The following MTUS2 variants were observed in gnomAD, a reference collection of about 807,000 sequenced individuals.
MTUS2 encodes the protein microtubule-associated tumor suppressor candidate 2.
A neutral mutation model predicts 114.1 loss-of-function variants in MTUS2; 40 were observed. The observed-to-expected ratio is 0.35, with a 90% confidence interval of 0.27 to 0.46. The LOEUF (loss-of-function observed/expected upper bound fraction) is 0.46, where lower values mean the gene tolerates loss of function less well. Ranked by LOEUF, MTUS2 falls within the 20% of genes least tolerant of loss-of-function variation. The pLI is 1.00. For missense variants in MTUS2, 1,679 were observed against 1,705.4 expected (o/e 0.98, Z 0.27); for synonymous variants, 688 against 672.0 (o/e 1.02, Z -0.37).
intron 4 of MTUS2, among the ~76,000 whole-genome samples, chr13:29,069,696 G>T (rs533861826): frequency 6.6e-6 from 1 of 152,328 alleles, no homozygotes; most frequent in African/African-American, 2.4e-5. Context: ...AGGAAAAGCA[G>T]CTCTAGCTCA....
intron 8 of MTUS2, among the ~76,000 whole-genome samples, chr13:29,390,756 G>A (rs1375489929): frequency 6.8e-6 from 1 of 146,588 alleles, no homozygotes. Context: ...CCACCAAATG[G>A]TGATGATGAT....
intron 5 of MTUS2, among the ~76,000 whole-genome samples, chr13:29,271,709 G>A (rs1006232990): frequency 4.6e-5 from 7 of 152,150 alleles, no homozygotes; most frequent in Admixed American, 2.6e-4. Context: ...GCATTTGCTC[G>A]ATGCTTACTG....
At chr13:29,075,276 G>A (rs989819527) in intron 4 of MTUS2, among the ~76,000 whole-genome samples, 1 of 82,112 alleles carries the variant, frequency 1.2e-5, no homozygotes, top group African/African-American at 4.6e-5. Context: ...TCCCAGAGCA[G>A]CTCTGAACAC....
At chr13:29,232,318 A>ATG (rs1566080996) in intron 5 of MTUS2, among the ~76,000 whole-genome samples, 3 of 98,994 alleles carry the variant, frequency 3.0e-5, no homozygotes, top group African/African-American at 1.0e-4. Flanking sequence ...ACACACACAC[A>ATG]CACACGCACA....
chr13:28,849,813 T>C, intron 2 of MTUS2, among the ~76,000 whole-genome samples: 1 of 151,866 alleles, frequency 6.6e-6, no homozygotes, highest in South Asian at 2.1e-4. Context: ...CTGTTTTCCC[T>C]CTCCTCTCTA....
At chr13:28,845,962 A>G (rs1875852285) in intron 2 of MTUS2, among the ~76,000 whole-genome samples, 1 of 151,718 alleles carries the variant, frequency 6.6e-6, no homozygotes, top group Admixed American at 6.6e-5. Flanking sequence ...ATGAAGCCTC[A>G]TTTAAGTCTC....
At chr13:29,280,670 C>T (rs1898232537) in intron 5 of MTUS2, among the ~76,000 whole-genome samples, 1 of 152,172 alleles carries the variant, frequency 6.6e-6, no homozygotes, top group East Asian at 1.9e-4. Context: ...TATACTTCTT[C>T]CAGCTGTCAT....
intron 7 of MTUS2, among the ~76,000 whole-genome samples, chr13:29,353,079 G>A (rs1869431321): frequency 1.3e-5 from 2 of 152,114 alleles, no homozygotes; most frequent in African/African-American, 4.8e-5. Flanking sequence ...TTCTCATTAT[G>A]GGTTGTATAA....
At chr13:29,280,202 A>G (rs772653128) in intron 5 of MTUS2, among the ~76,000 whole-genome samples, 2 of 152,336 alleles carry the variant, frequency 1.3e-5, no homozygotes, top group South Asian at 4.1e-4. Flanking sequence ...GTTTGCATCA[A>G]ACATATTTTT....
intron 8 of MTUS2, among the ~76,000 whole-genome samples, chr13:29,378,968 A>G (rs933725011): frequency 1.9e-4 from 29 of 152,222 alleles, no homozygotes; most frequent in African/African-American, 6.7e-4. Context: ...TGTTCTCATG[A>G]TGGCAAATGA....
At chr13:29,060,809 T>TTG (rs1363089262) in intron 4 of MTUS2, among the ~76,000 whole-genome samples, 1 of 148,978 alleles carries the variant, frequency 6.7e-6, no homozygotes, top group South Asian at 2.1e-4. Flanking sequence ...TGACTTTTTT[T>TTG]TTTTTTTTTG....
At chr13:29,048,927 C>G (rs907911389) in intron 4 of MTUS2, among the ~76,000 whole-genome samples, 1 of 152,118 alleles carries the variant, frequency 6.6e-6, no homozygotes, top group Non-Finnish European at 1.5e-5. Flanking sequence ...CCATAGTATT[C>G]TTGAGCTTTT....
chr13:29,501,732 C>G (rs1882916750), intron 15 of MTUS2, among the ~76,000 whole-genome samples: 1 of 152,228 alleles, frequency 6.6e-6, no homozygotes, highest in Non-Finnish European at 1.5e-5. Flanking sequence ...AGACCCAGGC[C>G]TGAACCCTTG....
intron 2 of MTUS2, among the ~76,000 whole-genome samples, chr13:28,999,587 G>A (rs1281063711): frequency 1.3e-5 from 2 of 152,308 alleles, no homozygotes; most frequent in East Asian, 3.9e-4. Context: ...AGGACAGTTA[G>A]CAAATCAGTC....
intron 2 of MTUS2, among the ~76,000 whole-genome samples, chr13:28,863,781 T>G (rs1877134604): frequency 6.6e-6 from 1 of 152,182 alleles, no homozygotes; most frequent in Admixed American, 6.5e-5. Flanking sequence ...TACTGCAGCT[T>G]CAAACCCCTG....
intron 2 of MTUS2, among the ~76,000 whole-genome samples, chr13:28,844,799 G>C (rs1236377477): frequency 6.6e-6 from 1 of 152,092 alleles, no homozygotes; most frequent in Non-Finnish European, 1.5e-5. Context: ...TTGTATTTTA[G>C]TAGAGACAGG....
intron 4 of MTUS2, among the ~76,000 whole-genome samples, chr13:29,063,041 C>T (rs1888495512): frequency 6.6e-6 from 1 of 152,174 alleles, no homozygotes; most frequent in African/African-American, 2.4e-5. Context: ...GCTCAAAATA[C>T]AGCAGAACTA....
intron 8 of MTUS2, 71 bp from the exon 9 acceptor site, chr13:29,439,908 CATTA>C (rs1877704260): frequency 1.3e-5 from 14 of 1,109,840 alleles, no homozygotes; most frequent in Non-Finnish European, 1.7e-5. Flanking sequence ...TAATACGATT[CATTA>C]ATTAATCATG....
chr13:29,480,198 T>C lies in MTUS2; in HGVS notation c.3233T>C (p.Leu1078Pro). 6.4e-7 allele frequency: 1 copy of C among 1,557,632 alleles called. No individual in the cohort carries two copies. Among genetic ancestry groups the C allele is most frequent in the South Asian group, 1.2e-5 (1 of 84,314 alleles). ...AAACTACAAAAGGAGAAGGAGGAGC[T>C]GGAGAGGCGGTTCGAGGACGAGGTG... ...CEKLQKEKEE[L>P]ERRFEDEVKR... is the part of the protein sequence containing the mutation. The change falls in exon 10 of 16, where the codon CTG becomes CCG. Residue 1078 changes from leucine to proline, a missense_variant. Physicochemically the swap from Leu to Pro is moderately conservative, Grantham distance 98 (BLOSUM62 -3). Coordinates refer to ENST00000612955, the MANE Select transcript of MTUS2 (RefSeq NM_001033602.4). This position sits in a 1 kb window ranked among gnomAD's most constrained non-coding sequence, Gnocchi z 4.4.
Sources: allele counts gnomAD v4.1 joint callset (sites outside exome capture counted in the v4.1 genomes callset), GRCh38; gene constraint gnomAD v4.1.1; non-coding constraint Gnocchi (gnomAD v3.1); transcripts MANE v1.5; gene names NCBI Gene and HGNC (gene_info 2026-07-23, HGNC 2026-07-21).